ASAP1: variants seen among roughly 807,000 people sequenced by gnomAD.
ASAP1 encodes the protein arf-GAP with SH3 domain, ANK repeat and PH domain-containing protein 1.
ASAP1 carries 43 observed loss-of-function variants against 145.2 expected under a neutral mutation model. The ratio of observed to expected loss-of-function variants is 0.30; its 90% CI spans 0.23 to 0.38. The LOEUF is 0.38. Among genes scored for constraint, ASAP1 ranks in the 10% least tolerant of loss-of-function variants. ASAP1 has a pLI of 1.00. For missense variants in ASAP1, 1,018 were observed against 1,355.3 expected (o/e 0.75, Z 3.91); for synonymous variants, 546 against 515.5 (o/e 1.06, Z -0.80).
intron 18 of ASAP1, 96 bp downstream of exon 18, chr8:130,123,917 T>G: frequency 1.1e-6 from 1 of 900,694 alleles, no homozygotes; most frequent in South Asian, 1.5e-5. Context: ...CGTGAGCCAC[T>G]GCACCCAGCC....
chr8:130,169,462 G>C (rs1813430900), intron 9 of ASAP1, among the ~76,000 whole-genome samples: 1 of 152,190 alleles, frequency 6.6e-6, no homozygotes, highest in African/African-American at 2.4e-5. Flanking sequence ...AATATCATGA[G>C]GTTGATCTGG....
At chr8:130,390,596 A>C (rs1173144462) in intron 2 of ASAP1, among the ~76,000 whole-genome samples, 1 of 152,226 alleles carries the variant, frequency 6.6e-6, no homozygotes, top group Admixed American at 6.5e-5. Context: ...TGCATGTATT[A>C]TTTAGGTCTG....
intron 3 of ASAP1, among the ~76,000 whole-genome samples, chr8:130,295,277 T>C (rs971603251): frequency 2.6e-5 from 4 of 151,922 alleles, no homozygotes; most frequent in African/African-American, 9.7e-5. Flanking sequence ...AGCAAGACTG[T>C]CTCACAAAGA....
chr8:130,373,748 G>A (rs1827339346), intron 2 of ASAP1, among the ~76,000 whole-genome samples: 1 of 150,678 alleles, frequency 6.6e-6, no homozygotes, highest in African/African-American at 2.4e-5. Flanking sequence ...TTGGGAGGCT[G>A]AGGCAGGAGA....
intron 13 of ASAP1, chr8:130,152,461 C>T (rs1250313524): frequency 3.9e-6 from 1 of 255,754 alleles, no homozygotes; most frequent in East Asian, 6.9e-5. Flanking sequence ...CTAGGTTTTT[C>T]AGAACAATCA....
intron 17 of ASAP1, among the ~76,000 whole-genome samples, chr8:130,125,012 G>C (rs1443272068): frequency 6.6e-6 from 1 of 152,174 alleles, no homozygotes; most frequent in African/African-American, 2.4e-5. Flanking sequence ...GACAGATCAC[G>C]ATTGCTTAGT....
chr8:130,057,185 C>T (rs1289300204), intron 29 of ASAP1, among the ~76,000 whole-genome samples: 1 of 152,152 alleles, frequency 6.6e-6, no homozygotes, highest in African/African-American at 2.4e-5. Context: ...TCAGCCTGAG[C>T]AGGAACTTGG....
At chr8:130,135,542 T>C (rs766829513) in intron 14 of ASAP1, among the ~76,000 whole-genome samples, 2 of 152,052 alleles carry the variant, frequency 1.3e-5, no homozygotes, top group African/African-American at 2.4e-5. Flanking sequence ...AAAAAGAACA[T>C]GCCATGGGTG....
intron 27 of ASAP1, among the ~76,000 whole-genome samples, chr8:130,074,849 G>A (rs886855180): frequency 1.2e-4 from 18 of 152,276 alleles, no homozygotes; most frequent in African/African-American, 4.3e-4. Context: ...CAGTCATAGG[G>A]AGAGCCAGAC....
rs1213290951 is a variant in ASAP1, at chr8:130,053,216, C to G, written c.*1515G>C. The G allele has an allele frequency of 1.3e-5, 2 of 152,208 alleles. No homozygotes were observed. The highest frequency in any genetic ancestry group is 4.8e-5 in the African/African-American group (2 of 41,442). 9.4% of individuals were successfully genotyped at this position (152,208 alleles called of 1,614,324 possible). ...GCTTCTGTGAAATTAACATCTCTCA[C>G]TCATTGCCAAGATTCTCTGCTTAAA... is the stretch of plus-strand genomic sequence containing the variant. On this transcript the variant is annotated 3_prime_UTR_variant, in exon 30 of 30. Coordinates refer to ENST00000518721, the MANE Select transcript of ASAP1 (RefSeq NM_018482.4).
intron 3 of ASAP1, among the ~76,000 whole-genome samples, chr8:130,300,113 T>TACACACAC (rs373589102): frequency 0.016 from 1,156 of 72,626 alleles, 10 homozygotes; most frequent in African/African-American, 0.023. Context: ...AAAAGAAAAA[T>TACACACAC]ACACACACAC....
chr8:130,302,993 C>CG (rs1172470905), intron 3 of ASAP1, among the ~76,000 whole-genome samples: 9 of 151,688 alleles, frequency 5.9e-5, no homozygotes, highest in East Asian at 1.9e-4. Flanking sequence ...TAAGTCACCA[C>CG]GGGAAAAAAA....
At chr8:130,333,330 G>A (rs961822190) in intron 3 of ASAP1, among the ~76,000 whole-genome samples, 2 of 151,916 alleles carry the variant, frequency 1.3e-5, no homozygotes, top group Admixed American at 6.5e-5. Flanking sequence ...GGCTGGGCGC[G>A]GTGGCTCACG....
At chr8:130,428,568 C>T (rs1052350495) in intron 1 of ASAP1, among the ~76,000 whole-genome samples, 10 of 147,002 alleles carry the variant, frequency 6.8e-5, no homozygotes, top group Non-Finnish European at 1.2e-4. Context: ...CCATCATCAC[C>T]ACCATCATCA....
chr8:130,255,593 C>T (rs1164124938), intron 3 of ASAP1, among the ~76,000 whole-genome samples: 3 of 152,068 alleles, frequency 2.0e-5, no homozygotes, highest in Non-Finnish European at 2.9e-5. Context: ...ATTAATGGTA[C>T]TGATTATAAA....
At chr8:130,335,997 C>T (rs934743011) in intron 3 of ASAP1, among the ~76,000 whole-genome samples, 1 of 152,106 alleles carries the variant, frequency 6.6e-6, no homozygotes, top group Non-Finnish European at 1.5e-5. Flanking sequence ...CCAAGTGAGA[C>T]AGGAAAAGAG....
In ASAP1 at chr8:130,152,766, CT is replaced by C; in HGVS notation, c.1049del (p.Lys350ArgfsTer5). The C allele has an allele frequency of 6.2e-7, 1 of 1,611,894 alleles. No homozygotes were observed. Among genetic ancestry groups the C allele is most frequent in the Non-Finnish European group, 8.5e-7 (1 of 1,178,416 alleles). ...KVWQRRKCSV[K>X]NGILTISHAT... ...CATGTGAGATGGTCAGAATCCCATT[CT>C]TGACTGAACACTTCCTCCTCTGCCA... On this transcript the variant is annotated frameshift_variant, in exon 13 of 30. Transcript: ENST00000518721. LOFTEE classifies it high-confidence loss of function.
intron 3 of ASAP1, among the ~76,000 whole-genome samples, chr8:130,303,961 CATT>C (rs1300059759): frequency 6.6e-6 from 1 of 152,020 alleles, no homozygotes; most frequent in Non-Finnish European, 1.5e-5. Context: ...AGTATCAATA[CATT>C]ATTATTAACT....
At chr8:130,188,895 G>A (rs1243418063) in intron 5 of ASAP1, among the ~76,000 whole-genome samples, 3 of 151,980 alleles carry the variant, frequency 2.0e-5, no homozygotes, top group South Asian at 2.1e-4. Context: ...TAGCTCTTAC[G>A]GTGAATTTTC....
Sources: gnomAD v4.1 joint callset for allele counts (sites outside exome capture counted in the v4.1 genomes callset) on GRCh38, gnomAD v4.1.1 for gene constraint, MANE v1.5 for transcripts, NCBI Gene and HGNC (gene_info 2026-07-23, HGNC 2026-07-21) for gene names.